Variants in KCNQ3 observed in about 807,000 individuals in gnomAD.
The protein encoded by KCNQ3 is potassium voltage-gated channel subfamily Q member 3.
In KCNQ3, 30 loss-of-function variants were observed where a neutral mutation model predicts 92.5. The observed-to-expected ratio is 0.32, with a 90% CI of 0.24 to 0.44. The LOEUF is 0.44. Ranked by LOEUF, KCNQ3 falls within the 20% of genes least tolerant of loss-of-function variation. The pLI is 1.00. For synonymous variants in KCNQ3, 450 were observed against 468.8 expected (o/e 0.96, Z 0.52); for missense variants, 913 against 1,140.3 (o/e 0.80, Z 2.87).
chr8:132,224,081 A>ATTTTTTTTT (rs1164773143), intron 1 of KCNQ3, among the ~76,000 whole-genome samples: 1,658 of 39,460 alleles, frequency 0.042, 316 homozygotes, highest in Non-Finnish European at 0.064. Context: ...ATGCCAGGCT[A>ATTTTTTTTT]TTTTTTTTTT....
At chr8:132,222,100 A>G (rs1378547775) in intron 1 of KCNQ3, among the ~76,000 whole-genome samples, 1 of 152,238 alleles carries the variant, frequency 6.6e-6, no homozygotes, top group African/African-American at 2.4e-5. Flanking sequence ...TCTGCACAGC[A>G]AAAGAAACTA....
chr8:132,477,064 T>C (rs2130871442), intron 1 of KCNQ3, among the ~76,000 whole-genome samples: 1 of 152,272 alleles, frequency 6.6e-6, no homozygotes, highest in East Asian at 1.9e-4. Context: ...ATGTAAGATG[T>C]GCCTGGCTTC....
chr8:132,132,206 C>T lies in KCNQ3; in HGVS notation c.1858G>A (p.Gly620Arg), dbSNP rs766753639. 1 of 1,613,446 alleles carries T rather than the reference C, an allele frequency of 6.2e-7. No individual in the cohort carries two copies. The highest frequency in any genetic ancestry group is 2.2e-5 in the East Asian group (1 of 44,880). ...TGTCTTTCAACTTTTACAAACTTCC[C>T]CATCATGCTTTGGTCTTCGATTTCT... is the stretch of plus-strand genomic sequence containing the variant. The part of the protein sequence containing the change: ...TSEIEDQSMM[G>R]KFVKVERQVQ... The change falls in exon 14 of 15, where the codon GGG becomes AGG. Residue 620 changes from glycine (G) to arginine (R), a missense_variant. Gly to Arg is a moderately radical substitution (Grantham distance 125, BLOSUM62 -2). Coordinates refer to ENST00000388996, the MANE Select transcript of KCNQ3 (RefSeq NM_004519.4).
chr8:132,285,698 G>C (rs1563841166), intron 1 of KCNQ3, among the ~76,000 whole-genome samples: 1 of 152,200 alleles, frequency 6.6e-6, no homozygotes, highest in Admixed American at 6.5e-5. Context: ...AACATGGTTA[G>C]AAGGGAGCTA....
At chr8:132,159,082 A>G (rs1825900644) in intron 9 of KCNQ3, among the ~76,000 whole-genome samples, 1 of 152,238 alleles carries the variant, frequency 6.6e-6, no homozygotes, top group Non-Finnish European at 1.5e-5. Flanking sequence ...TTTCTATCAA[A>G]AAGATGTCCA....
intron 1 of KCNQ3, among the ~76,000 whole-genome samples, chr8:132,378,244 A>G (rs994687035): frequency 6.6e-6 from 1 of 152,058 alleles, no homozygotes; most frequent in Non-Finnish European, 1.5e-5. Context: ...AAATACAAAA[A>G]TTAGCCAAGC....
intron 9 of KCNQ3, among the ~76,000 whole-genome samples, chr8:132,151,892 T>G (rs62519565): frequency 0.05 from 7,647 of 152,306 alleles, 308 homozygotes; most frequent in Non-Finnish European, 0.074. Flanking sequence ...TTCTTTAGGC[T>G]ATATTTTGGT....
chr8:132,244,388 AAGTG>A, intron 1 of KCNQ3, among the ~76,000 whole-genome samples: 1 of 152,004 alleles, frequency 6.6e-6, no homozygotes, highest in East Asian at 1.9e-4. Context: ...GAGAGAAAGG[AAGTG>A]AGGGAGAGAA....
intron 1 of KCNQ3, among the ~76,000 whole-genome samples, chr8:132,436,889 G>A (rs188348594): frequency 6.6e-6 from 1 of 152,184 alleles, no homozygotes; most frequent in Non-Finnish European, 1.5e-5. Flanking sequence ...CTTACTCCAG[G>A]CAGCCCAGGT....
chr8:132,478,983 G>T (rs1043834794), intron 1 of KCNQ3, among the ~76,000 whole-genome samples: 1 of 152,028 alleles, frequency 6.6e-6, no homozygotes, highest in Non-Finnish European at 1.5e-5. Context: ...AGAGGGGGGA[G>T]GGGGGGTTGC....
intron 1 of KCNQ3, among the ~76,000 whole-genome samples, chr8:132,243,770 T>C (rs1403705136): frequency 2.0e-5 from 3 of 152,320 alleles, no homozygotes; most frequent in East Asian, 3.9e-4. Flanking sequence ...TACTCAACAA[T>C]TGTTCATTTC....
At chr8:132,298,927 T>C (rs1255561693) in intron 1 of KCNQ3, among the ~76,000 whole-genome samples, 1 of 151,922 alleles carries the variant, frequency 6.6e-6, no homozygotes, top group South Asian at 2.1e-4. Context: ...ACAAAAAGAA[T>C]TACTCACTTA....
At chr8:132,306,284 C>T (rs1367795711) in intron 1 of KCNQ3, among the ~76,000 whole-genome samples, 1 of 152,198 alleles carries the variant, frequency 6.6e-6, no homozygotes, top group East Asian at 1.9e-4. Flanking sequence ...CTCTCCCAAT[C>T]CTGGTAACAT....
rs141103047 is a variant in KCNQ3 at position 132,380,339 on chromosome 8, G to A, written c.386+99808C>T. ...CCCCTTCCAACCTCACTAATTACAC[G>A]TGAGAAAGAGGCAAGCATCTCAATG... On this transcript the variant is annotated intron_variant, in intron 1 of 14. Coordinates refer to ENST00000388996, the MANE Select transcript of KCNQ3 (RefSeq NM_004519.4). Among the ~76,000 whole-genome samples, 618 of 152,256 alleles carry A rather than the reference G, an allele frequency of 4.1e-3. 3 individuals are homozygous for A. Among genetic ancestry groups the A allele is most frequent in the African/African-American group, 0.013 (533 of 41,538 alleles).
At chr8:132,472,554 A>T (rs1288670272) in intron 1 of KCNQ3, among the ~76,000 whole-genome samples, 1 of 152,196 alleles carries the variant, frequency 6.6e-6, no homozygotes, top group African/African-American at 2.4e-5. Context: ...GGAGCTAAAA[A>T]TGTTGATCTC....
At chr8:132,269,666 G>C (rs934272869) in intron 1 of KCNQ3, among the ~76,000 whole-genome samples, 1 of 152,132 alleles carries the variant, frequency 6.6e-6, no homozygotes, top group Non-Finnish European at 1.5e-5. Context: ...AGAAATTACC[G>C]TGTAGTTTAA....
intron 1 of KCNQ3, among the ~76,000 whole-genome samples, chr8:132,332,289 C>A (rs1818253864): frequency 1.3e-5 from 2 of 152,134 alleles, no homozygotes; most frequent in South Asian, 4.2e-4. Flanking sequence ...GAGACTACAG[C>A]CCCAGCAATA....
intron 1 of KCNQ3, among the ~76,000 whole-genome samples, chr8:132,276,390 C>A (rs1816330911): frequency 1.3e-5 from 2 of 152,050 alleles, no homozygotes; most frequent in African/African-American, 4.8e-5. Flanking sequence ...TCAGCAGAAC[C>A]ACAGAAACAT....
At chr8:132,357,676 G>T (rs1056726756) in intron 1 of KCNQ3, among the ~76,000 whole-genome samples, 1 of 152,198 alleles carries the variant, frequency 6.6e-6, no homozygotes, top group Admixed American at 6.5e-5. Flanking sequence ...CAAAGTCACA[G>T]CCCTGTGTGC....
Sources: allele counts gnomAD v4.1 joint callset (sites outside exome capture counted in the v4.1 genomes callset), GRCh38; gene constraint gnomAD v4.1.1; transcripts MANE v1.5; gene names NCBI Gene and HGNC (gene_info 2026-07-23, HGNC 2026-07-21).